The following COL5A2 variants were observed in gnomAD, a reference collection of about 807,000 sequenced individuals.
COL5A2 encodes the protein collagen type V alpha 2 chain, also known as collagen alpha-2(V) chain.
Under a neutral mutation model 208.2 loss-of-function variants are expected in COL5A2, and 23 were observed. That is an observed-to-expected ratio of 0.11 (90% CI 0.08 to 0.16). The LOEUF (loss-of-function observed/expected upper bound fraction) is 0.16, where lower values mean the gene tolerates loss of function less well. Among genes scored for constraint, COL5A2 ranks in the 10% least tolerant of loss-of-function variants. COL5A2 has a pLI of 1.00. For synonymous variants in COL5A2, 625 were observed against 628.5 expected (o/e 0.99, Z 0.08); for missense variants, 1,590 against 1,956.4 (o/e 0.81, Z 3.53).
At chr2:189,063,148 C>T in intron 27 of COL5A2, 24 bp downstream of exon 27, 1 of 1,611,598 alleles carries the variant, frequency 6.2e-7, no homozygotes, top group African/African-American at 1.3e-5. Flanking sequence ...ATGAGGTGGC[C>T]AACATATTAT....
chr2:189,411,529 G>A, the COL5A2 span, among the ~76,000 whole-genome samples: 1 of 152,074 alleles, frequency 6.6e-6, no homozygotes, highest in Non-Finnish European at 1.5e-5. Context: ...CACATGGTTG[G>A]AAATCTATGA....
chr2:189,052,773 A>G lies in COL5A2; in HGVS notation c.2691T>C (p.Gly897=). 6.2e-7 allele frequency: 1 copy of G among 1,614,214 alleles called. No homozygotes were observed. The highest frequency in any genetic ancestry group is 8.5e-7 in the Non-Finnish European group (1 of 1,180,018). ...CAGGCGGACCTTGGGTTCCTCGACC[A>G]CCTTTTAGTCCAGGAACACCATTAG... ...HGPNGVPGLK[G]GRGTQGPPGA... Residue 897 remains glycine, a synonymous_variant, in exon 40 of 54, where the codon GGT becomes GGC. Coordinates refer to ENST00000374866, the MANE Select transcript of COL5A2 (RefSeq NM_000393.5).
At position 189,094,578 on chromosome 2, in the gene COL5A2, CTT is replaced by C. The variant is rs1481439044; in HGVS notation, c.457-2160_457-2159del. ...ATTTCTCTCGTTTCTCTCTCTCTCTCTTTCTCTCTGACACACACACACACACA... is the reference window on the plus strand; with the variant it reads ...ATTTCTCTCGTTTCTCTCTCTCTCTCTCTCTCTGACACACACACACACACA... On this transcript the variant is annotated intron_variant, in intron 6 of 53. Coordinates refer to ENST00000374866, the MANE Select transcript of COL5A2 (RefSeq NM_000393.5). Among the ~76,000 whole-genome samples, 7 of 136,222 alleles carry C rather than the reference CTT, an allele frequency of 5.1e-5. No individual in the cohort carries two copies. In the Middle Eastern group the frequency reaches 0.011, roughly 221 times the overall value. The allele number at this position is 136,222 out of a possible 152,430, so 89.4% of individuals were successfully genotyped here.
chr2:189,149,220 T>C (rs924987217), intron 1 of COL5A2, among the ~76,000 whole-genome samples: 2 of 152,208 alleles, frequency 1.3e-5, no homozygotes, highest in Non-Finnish European at 2.9e-5. Context: ...GAAAACTTGA[T>C]GTGCTAATGT....
At chr2:189,294,066 C>A in the COL5A2 span, among the ~76,000 whole-genome samples, 2 of 141,390 alleles carry the variant, frequency 1.4e-5, no homozygotes, top group Non-Finnish European at 3.0e-5. Context: ...CCAGCCTGGG[C>A]GACAGAGCGA....
intron 1 of COL5A2, among the ~76,000 whole-genome samples, chr2:189,155,021 G>T (rs1443241155): frequency 1.3e-5 from 2 of 152,050 alleles, no homozygotes; most frequent in Non-Finnish European, 2.9e-5. Context: ...ACTCTAATGT[G>T]CAAGCTGGAG....
At chr2:189,232,987 T>C in the COL5A2 span, among the ~76,000 whole-genome samples, 30 of 151,936 alleles carry the variant, frequency 2.0e-4, no homozygotes, top group African/African-American at 7.2e-4. Context: ...TAGTTTAGCC[T>C]TCAAAGCTGC....
chr2:189,283,668 AACTT>A, the COL5A2 span, among the ~76,000 whole-genome samples: 24 of 152,222 alleles, frequency 1.6e-4, no homozygotes, highest in African/African-American at 4.3e-4. Flanking sequence ...ATCAAGTATG[AACTT>A]ACTTAATAAT....
intron 6 of COL5A2, 101 bp downstream of exon 6, chr2:189,097,176 T>C: frequency 9.4e-7 from 1 of 1,066,974 alleles, no homozygotes; most frequent in Non-Finnish European, 1.5e-6. Flanking sequence ...TTAATGGAGG[T>C]GAAAGAGGAA....
the COL5A2 span, among the ~76,000 whole-genome samples, chr2:189,418,577 C>G: frequency 6.6e-6 from 1 of 152,146 alleles, no homozygotes; most frequent in East Asian, 1.9e-4. Context: ...GACATGGACA[C>G]GAAGTCCATT....
At chr2:189,202,593 AAAAG>A (rs1203485798) in intron 1 of COL5A2, among the ~76,000 whole-genome samples, 2 of 152,190 alleles carry the variant, frequency 1.3e-5, no homozygotes, top group Non-Finnish European at 2.9e-5. Context: ...GCTACTGAGC[AAAAG>A]AAAGAATGAT....
chr2:189,267,278 C>A, the COL5A2 span, among the ~76,000 whole-genome samples: 40 of 152,070 alleles, frequency 2.6e-4, no homozygotes, highest in African/African-American at 9.6e-4. Context: ...TATGACCAGC[C>A]TAGAAGGTAT....
chr2:189,244,109 G>A, the COL5A2 span, among the ~76,000 whole-genome samples: 7 of 152,186 alleles, frequency 4.6e-5, no homozygotes, highest in African/African-American at 1.7e-4. Flanking sequence ...GGGAGGGGCT[G>A]CCACAAAAGT....
chr2:189,112,545 T>A (rs1687304998), intron 1 of COL5A2, among the ~76,000 whole-genome samples: 1 of 152,232 alleles, frequency 6.6e-6, no homozygotes, highest in African/African-American at 2.4e-5. Flanking sequence ...ATCACAGATA[T>A]TTGGCAAACG....
At chr2:189,092,861 C>G (rs561526951) in intron 6 of COL5A2, among the ~76,000 whole-genome samples, 3 of 152,224 alleles carry the variant, frequency 2.0e-5, no homozygotes, top group Middle Eastern at 3.4e-3. Context: ...TCCCTTCCCC[C>G]CAAAATTCAA....
At chr2:189,373,623 G>GGTACAGCTATATATA in the COL5A2 span, among the ~76,000 whole-genome samples, 5 of 152,208 alleles carry the variant, frequency 3.3e-5, no homozygotes, top group South Asian at 1.0e-3. Flanking sequence ...CTATATAGCT[G>GGTACAGCTATATATA]TAAATAATCA....
At chr2:189,104,334 T>C in intron 2 of COL5A2, 57 bp from the exon 3 acceptor site, 2 of 1,147,948 alleles carry the variant, frequency 1.7e-6, no homozygotes, top group Non-Finnish European at 2.6e-6. Flanking sequence ...ATTGAGAATC[T>C]GCTAAATATT....
Position 189,065,066 on chromosome 2 carries a change from G to T in COL5A2, c.1564-9C>A. ...CGATTGCCAGGAGCACCCTACAAAT[G>T]ACCAAAATGTGATTCTTAATTGTTG... On this transcript the variant is annotated splice_polypyrimidine_tract_variant and intron_variant, in intron 23 of 53. Coordinates refer to ENST00000374866, the MANE Select transcript of COL5A2 (RefSeq NM_000393.5). The T allele has an allele frequency of 1.2e-6, 2 of 1,613,136 alleles. No individual in the cohort carries two copies. The highest frequency in any genetic ancestry group is 2.2e-5 in the South Asian group (2 of 90,938).
the COL5A2 span, among the ~76,000 whole-genome samples, chr2:189,318,263 G>C: frequency 6.6e-6 from 1 of 152,100 alleles, no homozygotes; most frequent in Non-Finnish European, 1.5e-5. Flanking sequence ...ATAAGTTAAA[G>C]TATGACAAGG....
Sources: allele counts gnomAD v4.1 joint callset (sites outside exome capture counted in the v4.1 genomes callset), GRCh38; gene constraint gnomAD v4.1.1; transcripts MANE v1.5; gene names NCBI Gene and HGNC (gene_info 2026-07-23, HGNC 2026-07-21).